LMO7: variants seen among roughly 807,000 people sequenced by gnomAD.
The protein encoded by LMO7 is LIM domain 7.
Under a neutral mutation model 206.5 loss-of-function variants are expected in LMO7, and 120 were observed. That is an observed-to-expected ratio of 0.58 (90% CI 0.50 to 0.68). The LOEUF (loss-of-function observed/expected upper bound fraction) is 0.68. Ranked by LOEUF, LMO7 falls within the 30% of genes least tolerant of loss-of-function variation. LMO7 has a pLI of 0.00. For missense variants in LMO7, 1,959 were observed against 1,957.9 expected (o/e 1.00, Z -0.01); for synonymous variants, 706 against 681.5 (o/e 1.04, Z -0.56).
rs576143510 is a variant in LMO7 at position 75,780,159 on chromosome 13, A to G, written c.318-15242A>G. 1.2e-3 allele frequency among the ~76,000 whole-genome samples: 190 copies of G among 152,324 alleles called. 5 individuals are homozygous for G. The South Asian group carries it at 0.038, about 31-fold the overall frequency. On this transcript the variant is annotated intron_variant, in intron 4 of 30. Coordinates refer to ENST00000377534, the MANE Select transcript of LMO7 (RefSeq NM_001306080.2). ...GATGAGGTTCCCTGTCCCACTGTGC[A>G]TGCATTGTCATTGATAAACATCTTA... is the stretch of plus-strand genomic sequence containing the variant.
At chr13:75,712,077 C>T (rs564820039) in intron 1 of LMO7, among the ~76,000 whole-genome samples, 2 of 152,232 alleles carry the variant, frequency 1.3e-5, no homozygotes, top group South Asian at 4.1e-4. Flanking sequence ...ATGTTGGGCA[C>T]TGTGGAGAGA....
intron 1 of LMO7, among the ~76,000 whole-genome samples, chr13:75,655,027 C>T (rs139656686): frequency 0.03 from 4,551 of 152,078 alleles, 94 homozygotes; most frequent in Admixed American, 0.036. Context: ...CCTGTCACCA[C>T]GCCCGGCTAA....
At chr13:75,688,251 G>A (rs959962116) in intron 1 of LMO7, among the ~76,000 whole-genome samples, 2 of 152,120 alleles carry the variant, frequency 1.3e-5, no homozygotes, top group African/African-American at 4.8e-5. Flanking sequence ...TGGCTATGCT[G>A]AACCCACATG....
chr13:75,685,435 A>G (rs1239949369), intron 1 of LMO7, among the ~76,000 whole-genome samples: 3 of 152,200 alleles, frequency 2.0e-5, no homozygotes, highest in African/African-American at 7.2e-5. Context: ...AAGAATGCCA[A>G]AGAGAGAGAC....
intron 30 of LMO7, 168 bp downstream of exon 30, chr13:75,856,776 T>A (rs2060997586): frequency 1.8e-6 from 1 of 553,148 alleles, no homozygotes; most frequent in Non-Finnish European, 3.3e-6. Context: ...AGTGAATGGG[T>A]CACTGCTCAG....
At chr13:75,733,229 G>A (rs894620722) in intron 3 of LMO7, among the ~76,000 whole-genome samples, 9 of 152,248 alleles carry the variant, frequency 5.9e-5, no homozygotes, top group African/African-American at 2.2e-4. Flanking sequence ...GCCCCCAGAG[G>A]TGGAGCCTAC....
intron 6 of LMO7, among the ~76,000 whole-genome samples, chr13:75,798,355 A>G (rs1467155273): frequency 6.6e-6 from 1 of 152,194 alleles, no homozygotes; most frequent in African/African-American, 2.4e-5. Context: ...CGTCTCAAAA[A>G]CAAACAAACA....
chr13:75,756,761 C>T (rs756520764), intron 3 of LMO7, among the ~76,000 whole-genome samples: 5 of 152,226 alleles, frequency 3.3e-5, no homozygotes, highest in African/African-American at 7.2e-5. Context: ...TACTTAAGGG[C>T]CATACTTAAG....
At chr13:75,645,138 C>A (rs759025502) in intron 1 of LMO7, among the ~76,000 whole-genome samples, 1 of 152,152 alleles carries the variant, frequency 6.6e-6, no homozygotes, top group South Asian at 2.1e-4. Flanking sequence ...TCTCATGTGA[C>A]CTACATTTCT....
chr13:75,845,900 G>A (rs1158921803), intron 26 of LMO7, among the ~76,000 whole-genome samples: 2 of 152,028 alleles, frequency 1.3e-5, no homozygotes, highest in East Asian at 1.9e-4. Flanking sequence ...AACCCTAAGC[G>A]GTAATTACCA....
At chr13:75,738,965 T>G (rs2046192688) in intron 3 of LMO7, among the ~76,000 whole-genome samples, 2 of 152,228 alleles carry the variant, frequency 1.3e-5, no homozygotes, top group African/African-American at 4.8e-5. Flanking sequence ...GATAATTCTT[T>G]GTTGTGGAGG....
At chr13:75,818,765 C>T (rs1383286362) in intron 12 of LMO7, among the ~76,000 whole-genome samples, 2 of 152,166 alleles carry the variant, frequency 1.3e-5, no homozygotes, top group Admixed American at 1.3e-4. Flanking sequence ...GAGGTGGAAC[C>T]GGACCCATGG....
At chr13:75,624,724 C>A (rs4885333) in intron 2 of LMO7, among the ~76,000 whole-genome samples, 1 of 151,954 alleles carries the variant, frequency 6.6e-6, no homozygotes, top group Non-Finnish European at 1.5e-5. Flanking sequence ...TTTTTAAAAC[C>A]ATCATATCTT....
intron 27 of LMO7, among the ~76,000 whole-genome samples, chr13:75,851,556 T>C (rs1369218795): frequency 2.0e-5 from 3 of 152,232 alleles, no homozygotes; most frequent in Non-Finnish European, 4.4e-5. Flanking sequence ...ATCACTTTTA[T>C]AATGTTAAAA....
chr13:75,739,833 T>G (rs1306045398), intron 3 of LMO7, among the ~76,000 whole-genome samples: 1 of 152,168 alleles, frequency 6.6e-6, no homozygotes, highest in African/African-American at 2.4e-5. Flanking sequence ...ATGACTCTGT[T>G]TGTCCTATCC....
At chr13:75,838,453 TAAAAAAAAAAA>T (rs35202291) in intron 20 of LMO7, 1 of 205,590 alleles carries the variant, frequency 4.9e-6, no homozygotes, top group East Asian at 1.6e-4. Flanking sequence ...TTTAACTTTG[TAAAAAAAAAAA>T]AAAAAAAAAA....
intron 1 of LMO7, among the ~76,000 whole-genome samples, chr13:75,667,998 A>C (rs1430338843): frequency 1.3e-5 from 2 of 152,224 alleles, no homozygotes. Context: ...ACTTGAGGCC[A>C]GGAGTTCGAG....
chr13:75,638,820 T>C (rs1322852714), intron 1 of LMO7, among the ~76,000 whole-genome samples: 2 of 152,126 alleles, frequency 1.3e-5, no homozygotes, highest in Non-Finnish European at 2.9e-5. Flanking sequence ...GACTCTGTCA[T>C]CATCACAACC....
chr13:75,728,916 G>T (rs1287637549), intron 3 of LMO7, among the ~76,000 whole-genome samples: 2 of 149,312 alleles, frequency 1.3e-5, no homozygotes, highest in Non-Finnish European at 3.0e-5. Context: ...TCTCAGGTTT[G>T]TCAAAGATCA....
Sources: allele counts gnomAD v4.1 joint callset (sites outside exome capture counted in the v4.1 genomes callset), GRCh38; gene constraint gnomAD v4.1.1; transcripts MANE v1.5; gene names NCBI Gene and HGNC (gene_info 2026-07-23, HGNC 2026-07-21).